The following ANGPT2 variants were observed in gnomAD, a reference collection of about 807,000 sequenced individuals.
ANGPT2 encodes the protein angiopoietin 2, also known as angiopoietin-2.
ANGPT2 carries 28 observed loss-of-function variants against 62.9 expected under a neutral mutation model. The ratio of observed to expected loss-of-function variants is 0.44; its 90% CI spans 0.33 to 0.61. ANGPT2 has a LOEUF of 0.61. ANGPT2 is among the 20% of genes least tolerant of loss of function. The probability of loss-of-function intolerance (pLI) is 0.03; values close to 1 mark genes in which losing one functional copy is unlikely to be tolerated. For missense variants in ANGPT2, 727 were observed against 594.9 expected (o/e 1.22, Z -2.31); for synonymous variants, 284 against 207.8 (o/e 1.37, Z -3.15).
At chr8:6,542,888 G>A (rs550687322) in intron 1 of ANGPT2, among the ~76,000 whole-genome samples, 8 of 152,318 alleles carry the variant, frequency 5.3e-5, no homozygotes, top group East Asian at 1.9e-4. Context: ...AAACTTAGAT[G>A]ATTTTCTAAA....
At chr8:6,541,245 C>T (rs1463688544) in intron 1 of ANGPT2, among the ~76,000 whole-genome samples, 1 of 152,100 alleles carries the variant, frequency 6.6e-6, no homozygotes, top group East Asian at 1.9e-4. Context: ...GCTTTGAGGC[C>T]CCTTTAATGA....
chr8:6,524,000 A>C (rs1241113241), intron 3 of ANGPT2, among the ~76,000 whole-genome samples: 3 of 152,154 alleles, frequency 2.0e-5, no homozygotes, highest in Non-Finnish European at 2.9e-5. Flanking sequence ...GCAGCAACTA[A>C]AGATGTTTCA....
rs76020419 is a variant in ANGPT2 at position 6,502,768 on chromosome 8, G to T, written c.*333C>A. The T allele has an allele frequency of 0.027, 8,500 of 316,274 alleles. 149 individuals are homozygous for T. Among genetic ancestry groups the T allele is most frequent in the Non-Finnish European group, 0.035 (5,895 of 168,184 alleles). 19.6% of individuals were successfully genotyped at this position (316,274 alleles called of 1,614,324 possible). A position where few individuals can be genotyped will look rare whatever the true frequency, so the allele number is the denominator to read the frequency against. Reference sequence around the variant, plus strand: ...TATAACATAAGTGTTCTGTTTTCCAGTTATTTACTGATAAACTTGCACATA... The same window carrying T: ...TATAACATAAGTGTTCTGTTTTCCATTTATTTACTGATAAACTTGCACATA... On this transcript the variant is annotated 3_prime_UTR_variant, in exon 9 of 9. Coordinates refer to ENST00000629816, the MANE Select transcript of ANGPT2 (RefSeq NM_001118887.2).
chr8:6,518,699 C>T (rs934339718), intron 5 of ANGPT2, among the ~76,000 whole-genome samples: 1 of 152,122 alleles, frequency 6.6e-6, no homozygotes, highest in African/African-American at 2.4e-5. Context: ...AAAATTTCCA[C>T]TTTGGTACAG....
chr8:6,551,152 T>G (rs560650021), intron 1 of ANGPT2, among the ~76,000 whole-genome samples: 86 of 152,306 alleles, frequency 5.6e-4, no homozygotes, highest in African/African-American at 2.0e-3. Flanking sequence ...TGATGCTGAC[T>G]TAGGATTTTA....
chr8:6,530,508 CAAAA>C (rs55729820), intron 2 of ANGPT2, among the ~76,000 whole-genome samples: 1 of 98,038 alleles, frequency 1.0e-5, no homozygotes, highest in Admixed American at 1.2e-4. Context: ...GACTCTGTCT[CAAAA>C]AAAAAAAAAA....
intron 7 of ANGPT2, among the ~76,000 whole-genome samples, chr8:6,512,309 C>G (rs1449504397): frequency 6.6e-6 from 1 of 152,180 alleles, no homozygotes; most frequent in Non-Finnish European, 1.5e-5. Context: ...CCACAATCCT[C>G]CCCTGGGCAG....
chr8:6,528,411 G>A (rs1237853511), intron 2 of ANGPT2, among the ~76,000 whole-genome samples: 3 of 152,212 alleles, frequency 2.0e-5, no homozygotes, highest in African/African-American at 7.2e-5. Context: ...CAGAGAGATT[G>A]GAAGTCACAT....
chr8:6,540,031 G>C, intron 1 of ANGPT2, among the ~76,000 whole-genome samples: 1 of 152,174 alleles, frequency 6.6e-6, no homozygotes, highest in East Asian at 1.9e-4. Context: ...GTGGGCCTCA[G>C]CTGGTGGCAT....
At chr8:6,516,716 C>T (rs1238475561) in intron 5 of ANGPT2, among the ~76,000 whole-genome samples, 1 of 152,172 alleles carries the variant, frequency 6.6e-6, no homozygotes, top group African/African-American at 2.4e-5. Context: ...ATGGTATGCT[C>T]TTGGGTTGAA....
intron 1 of ANGPT2, 129 bp downstream of exon 1, chr8:6,562,518 C>G (rs1825686814): frequency 1.2e-6 from 1 of 810,808 alleles, no homozygotes; most frequent in Non-Finnish European, 1.7e-6. Context: ...TACCAGCAAC[C>G]CGCTCTCCAG....
chr8:6,550,919 G>C (rs147476778), intron 1 of ANGPT2, among the ~76,000 whole-genome samples: 2 of 152,180 alleles, frequency 1.3e-5, no homozygotes. Context: ...AGCCCAAGGA[G>C]CCCAAGGGGA....
intron 8 of ANGPT2, chr8:6,508,423 A>G (rs1036418762): frequency 6.1e-6 from 1 of 163,376 alleles, no homozygotes; most frequent in Non-Finnish European, 1.3e-5. Context: ...CTGGACAACA[A>G]AGTAAGACTC....
rs557682594 is a variant in ANGPT2, at chr8:6,506,966, C to T, written c.1327+1966G>A. ...AGGCTGGATTGTACTGGTGCGATCT[C>T]GGCTCATTGCAAACTCTGTCTCCCC... is the stretch of plus-strand genomic sequence containing the variant. On this transcript the variant is annotated intron_variant, in intron 8 of 8. Coordinates refer to ENST00000629816, the MANE Select transcript of ANGPT2 (RefSeq NM_001118887.2). 4.0e-4 allele frequency among the ~76,000 whole-genome samples: 60 copies of T among 151,764 alleles called. 2 individuals are homozygous for T. In the South Asian group the frequency reaches 0.012, roughly 31 times the overall value.
At chr8:6,526,257 TAAAA>T (rs35519559) in intron 3 of ANGPT2, among the ~76,000 whole-genome samples, 2 of 77,458 alleles carry the variant, frequency 2.6e-5, no homozygotes, top group Admixed American at 3.7e-4. Flanking sequence ...TTGCCTCTAC[TAAAA>T]AAAAAAAAAA....
At chr8:6,520,064 A>G (rs1239603525) in intron 4 of ANGPT2, 73 bp from the exon 5 acceptor site, 10 of 1,552,150 alleles carry the variant, frequency 6.4e-6, no homozygotes, top group South Asian at 4.8e-5. Flanking sequence ...TCAAGAGCCA[A>G]TCATTTGGTG....
In ANGPT2 at chr8:6,500,889, G is replaced by GA. The variant is rs546175261; in HGVS notation, c.*2211dup. On this transcript the variant is annotated 3_prime_UTR_variant, in exon 9 of 9. Transcript: ENST00000629816. Reference sequence around the variant, plus strand: ...ATTTTTTATCACCTGCCTACAAAGAGAATTGATATAAATTGTGTTGTTGCC... The same window carrying GA: ...ATTTTTTATCACCTGCCTACAAAGAGAAATTGATATAAATTGTGTTGTTGCC... 40 of 152,310 alleles carry GA rather than the reference G, an allele frequency of 2.6e-4. No individual in the cohort carries two copies. Among genetic ancestry groups the GA allele is most frequent in the African/African-American group, 9.6e-4 (40 of 41,574 alleles). 9.4% of individuals were successfully genotyped at this position (152,310 alleles called of 1,614,324 possible).
At chr8:6,543,808 T>C (rs1822043858) in intron 1 of ANGPT2, among the ~76,000 whole-genome samples, 1 of 152,208 alleles carries the variant, frequency 6.6e-6, no homozygotes, top group Admixed American at 6.5e-5. Flanking sequence ...CATATTTTCA[T>C]ATTTATTTAC....
intron 3 of ANGPT2, among the ~76,000 whole-genome samples, chr8:6,522,151 T>C (rs974321511): frequency 1.2e-4 from 18 of 151,460 alleles, no homozygotes; most frequent in African/African-American, 9.7e-5. Context: ...GTCGGGAGAT[T>C]GAGAGTATCC....
Sources: allele counts gnomAD v4.1 joint callset (sites outside exome capture counted in the v4.1 genomes callset), GRCh38; gene constraint gnomAD v4.1.1; transcripts MANE v1.5; gene names NCBI Gene and HGNC (gene_info 2026-07-23, HGNC 2026-07-21).